CLCN4: variants seen among roughly 807,000 people sequenced by gnomAD.
The protein encoded by CLCN4 is H(+)/Cl(-) exchange transporter 4.
A neutral mutation model predicts 41.7 loss-of-function variants in CLCN4; 1 was observed. The observed-to-expected ratio is 0.02, with a 90% CI of 0.01 to 0.11. The LOEUF (loss-of-function observed/expected upper bound fraction) is 0.11, where lower values mean the gene tolerates loss of function less well. Ranked by LOEUF, CLCN4 falls within the 10% of genes least tolerant of loss-of-function variation. CLCN4 has a pLI of 1.00. For missense variants in CLCN4, 287 were observed against 661.0 expected (o/e 0.43, Z 6.20); for synonymous variants, 277 against 285.8 (o/e 0.97, Z 0.31).
intron 4 of CLCN4, among the ~76,000 whole-genome samples, chrX:10,191,874 T>C (rs150766706): frequency 3.1e-3 from 340 of 109,002 alleles, no homozygotes; most frequent in Middle Eastern, 0.014. Context: ...AATATACTTA[T>C]TTTCTCCTGT....
intron 12 of CLCN4, among the ~76,000 whole-genome samples, chrX:10,226,364 A>G (rs1280708855): frequency 8.9e-6 from 1 of 111,880 alleles, no homozygotes; most frequent in Non-Finnish European, 1.9e-5. Flanking sequence ...AAGAGACAAC[A>G]TACCAGAATC....
chrX:10,188,913 A>G (rs949703519), intron 4 of CLCN4, among the ~76,000 whole-genome samples: 2 of 112,239 alleles, frequency 1.8e-5, no homozygotes, highest in Non-Finnish European at 1.9e-5. Context: ...GTAAAGAGCT[A>G]AGAGGAATGC....
chrX:10,206,520 A>G lies in CLCN4; in HGVS notation c.718A>G (p.Ser240Gly), dbSNP rs1439863267. 8.3e-7 allele frequency: 1 copy of G among 1,210,847 alleles called. No individual in the cohort carries two copies. The highest frequency in any genetic ancestry group is 1.1e-6 in the Non-Finnish European group (1 of 894,976). ...VACCCGNFFSSLFSKYSKNEG... is the reference protein window; with the variant it reads ...VACCCGNFFSGLFSKYSKNEG... ...TTGTTGCTGTGGCAACTTCTTCAGC[A>G]GCCTTTTCTCCAAGTACAGCAAGAA... The change falls in exon 7 of 13, where the codon AGC becomes GGC. Residue 240 changes from serine (S) to glycine (G), a missense_variant. By Grantham distance (56) the Ser-to-Gly change is moderately conservative. Transcript: ENST00000380833.
chrX:10,199,861 C>T (rs1372577931), intron 6 of CLCN4, among the ~76,000 whole-genome samples: 1 of 110,805 alleles, frequency 9.0e-6, no homozygotes, highest in Non-Finnish European at 1.9e-5. Context: ...CAGGTTCAAG[C>T]GATTCTCATG....
chrX:10,174,215 C>T (rs747078634), intron 2 of CLCN4, among the ~76,000 whole-genome samples: 16 of 112,283 alleles, frequency 1.4e-4, no homozygotes, highest in South Asian at 1.1e-3. Context: ...TTCTCCCCCT[C>T]GTCCATGTGT....
chrX:10,187,135 T>A (rs1405952534), intron 3 of CLCN4, among the ~76,000 whole-genome samples: 1 of 112,453 alleles, frequency 8.9e-6, no homozygotes, highest in African/African-American at 3.2e-5. Context: ...AGAGGCTTTT[T>A]AATGAAACTT....
At chrX:10,233,411 T>C (rs1602170448) in intron 12 of CLCN4, 83 bp from the exon 13 acceptor site, 1 of 686,119 alleles carries the variant, frequency 1.5e-6, no homozygotes, top group East Asian at 3.3e-5. Context: ...TGTGTCCACA[T>C]GGAAAAGGCA....
At chrX:10,169,550 C>G (rs759753201) in intron 2 of CLCN4, among the ~76,000 whole-genome samples, 8 of 111,513 alleles carry the variant, frequency 7.2e-5, no homozygotes, top group Non-Finnish European at 1.5e-4. Flanking sequence ...AAGGTATGCC[C>G]CTCAGACAGG....
In CLCN4 at chrX:10,220,769, G is replaced by A. The variant is rs760081067; in HGVS notation, c.2084G>A (p.Arg695His). ...ANSPHPLKLR[R>H]ILNLSPFTVT... The stretch of plus-strand genomic sequence containing the variant: ...AGCCCACATCCCCTGAAGCTGCGGC[G>A]CATCCTGAACCTCAGCCCGTTTACA... The change falls in exon 12 of 13, where the codon CGC (arginine) becomes CAC (histidine). Residue 695 changes from arginine (R) to histidine (H), a missense_variant. Around this residue, in one of 6 missense-constraint regions of CLCN4, gnomAD observed 71 missense variants for 104.5 expected, o/e 0.68. Transcript: ENST00000380833. 2 of 1,211,058 alleles carry A rather than the reference G, an allele frequency of 1.7e-6. No individual in the cohort carries two copies. Among genetic ancestry groups the A allele is most frequent in the East Asian group, 3.0e-5 (1 of 33,852 alleles).
intron 11 of CLCN4, among the ~76,000 whole-genome samples, chrX:10,219,087 A>C (rs751522434): frequency 8.0e-5 from 9 of 112,831 alleles, no homozygotes; most frequent in Non-Finnish European, 1.7e-4. Context: ...GGCTGTTAGA[A>C]TCAGGGCTTC....
chrX:10,173,098 C>A (rs1156563755), intron 2 of CLCN4, among the ~76,000 whole-genome samples: 1 of 111,076 alleles, frequency 9.0e-6, no homozygotes, highest in Non-Finnish European at 1.9e-5. Context: ...TGCAAGACTG[C>A]CCTCTTCCCC....
intron 2 of CLCN4, among the ~76,000 whole-genome samples, chrX:10,172,767 A>G (rs188923071): frequency 2.2e-4 from 25 of 111,345 alleles, no homozygotes; most frequent in African/African-American, 7.2e-4. Context: ...CTAATCTTTC[A>G]GTTCTGAGCA....
chrX:10,181,622 A>G (rs1923687398), intron 2 of CLCN4, among the ~76,000 whole-genome samples: 1 of 111,826 alleles, frequency 8.9e-6, no homozygotes, highest in South Asian at 3.8e-4. Context: ...CACCTAGGGT[A>G]GCATTTTTAT....
chrX:10,198,614 C>T (rs957345427), intron 6 of CLCN4, among the ~76,000 whole-genome samples: 37 of 111,902 alleles, frequency 3.3e-4, no homozygotes, highest in African/African-American at 1.1e-3. Context: ...GTACTGTGAA[C>T]GTACCCCCGT....
intron 12 of CLCN4, among the ~76,000 whole-genome samples, chrX:10,231,779 A>G (rs982561291): frequency 2.7e-5 from 3 of 111,845 alleles, no homozygotes; most frequent in African/African-American, 9.8e-5. Context: ...TCCATTGTAA[A>G]GTGACATTTT....
At chrX:10,212,763 G>A (rs1052017415) in intron 10 of CLCN4, 110 bp downstream of exon 10, 5 of 730,114 alleles carry the variant, frequency 6.8e-6, no homozygotes, top group African/African-American at 6.5e-5. Flanking sequence ...GGATAGGCTG[G>A]GTTGTGTGGC....
intron 6 of CLCN4, among the ~76,000 whole-genome samples, chrX:10,203,422 T>TA (rs1924293579): frequency 9.0e-6 from 1 of 111,195 alleles, no homozygotes; most frequent in Non-Finnish European, 1.9e-5. Context: ...CATCTGACTG[T>TA]ATAGCTAGGA....
intron 4 of CLCN4, 98 bp downstream of exon 4, chrX:10,187,712 C>G (rs1030348042): frequency 4.2e-5 from 28 of 661,130 alleles, no homozygotes; most frequent in South Asian, 3.2e-4. Context: ...GCGCGTGTCG[C>G]TTGTCGCTTT....
intron 11 of CLCN4, among the ~76,000 whole-genome samples, chrX:10,219,718 A>G (rs1309386243): frequency 8.9e-6 from 1 of 112,490 alleles, no homozygotes; most frequent in Non-Finnish European, 1.9e-5. Flanking sequence ...TGAGAAGGTA[A>G]GAAGTGTATT....
Sources: gnomAD v4.1 joint callset for allele counts (sites outside exome capture counted in the v4.1 genomes callset) on GRCh38, gnomAD v4.1.1 for gene constraint, gnomAD v4.1.1 regional missense constraint, MANE v1.5 for transcripts, NCBI Gene and HGNC (gene_info 2026-07-23, HGNC 2026-07-21) for gene names.